Variants in INPP4B observed in about 807,000 individuals in gnomAD.
INPP4B encodes the protein inositol polyphosphate 4-phosphatase type II.
Under a neutral mutation model 122.5 loss-of-function variants are expected in INPP4B, and 55 were observed. The observed-to-expected ratio is 0.45, with a 90% CI of 0.36 to 0.56. The LOEUF is 0.56. Among genes scored for constraint, INPP4B ranks in the 20% least tolerant of loss-of-function variants. The probability of loss-of-function intolerance (pLI) is 0.00; values close to 1 mark genes in which losing one functional copy is unlikely to be tolerated. For synonymous variants in INPP4B, 403 were observed against 388.7 expected, an observed-to-expected ratio of 1.04 and a Z score of -0.43; for missense variants, 1,000 against 1,097.7, an observed-to-expected ratio of 0.91 and a Z score of 1.26.
In INPP4B at chr4:142,366,155, C is replaced by A. The variant is rs1986107; in HGVS notation, c.372+36783G>T. 2.0e-5 allele frequency among the ~76,000 whole-genome samples: 3 copies of A among 152,160 alleles called. No homozygotes were observed. In the East Asian group the frequency reaches 5.8e-4, roughly 29 times the overall value. On this transcript the variant is annotated intron_variant, in intron 7 of 25. Coordinates refer to ENST00000262992, the MANE Select transcript of INPP4B (RefSeq NM_001101669.3). ...ACCATTAAGAAGGTTCTTTGTAATT[C>A]TCCCCACACTTCAGAATGTACTTTG... is the stretch of plus-strand genomic sequence containing the variant.
chr4:142,280,467 T>C (rs1239577114), intron 9 of INPP4B, among the ~76,000 whole-genome samples: 1 of 151,990 alleles, frequency 6.6e-6, no homozygotes, highest in Non-Finnish European at 1.5e-5. Context: ...ATTCAATTTA[T>C]TCAATTTCAT....
chr4:142,664,892 CAT>C (rs1354069991), intron 2 of INPP4B, among the ~76,000 whole-genome samples: 1 of 152,140 alleles, frequency 6.6e-6, no homozygotes, highest in Non-Finnish European at 1.5e-5. Context: ...GTGCCAACAT[CAT>C]AGAGTGTATT....
At chr4:142,589,893 A>G (rs973966093) in intron 2 of INPP4B, among the ~76,000 whole-genome samples, 2 of 152,024 alleles carry the variant, frequency 1.3e-5, no homozygotes, top group Non-Finnish European at 2.9e-5. Context: ...TGATAGAAAA[A>G]CAGAAAAACA....
At chr4:142,281,637 G>A (rs141009895) in intron 9 of INPP4B, among the ~76,000 whole-genome samples, 177 of 152,048 alleles carry the variant, frequency 1.2e-3, no homozygotes, top group Admixed American at 2.6e-3. Context: ...AAAGGTCAAC[G>A]TTATACAGTG....
chr4:142,277,252 A>G (rs1471065755), intron 9 of INPP4B, among the ~76,000 whole-genome samples: 4 of 151,088 alleles, frequency 2.6e-5, no homozygotes, highest in African/African-American at 9.7e-5. Context: ...TCGGACATAT[A>G]CATTACAAAG....
chr4:142,755,976 A>G (rs75690830), intron 1 of INPP4B, among the ~76,000 whole-genome samples: 3,752 of 152,132 alleles, frequency 0.025, 57 homozygotes, highest in Middle Eastern at 0.095. Flanking sequence ...TTTACTAGGT[A>G]TCAAATACTC....
At chr4:142,136,227 T>G (rs1175566947) in intron 18 of INPP4B, among the ~76,000 whole-genome samples, 1 of 151,314 alleles carries the variant, frequency 6.6e-6, no homozygotes, top group Non-Finnish European at 1.5e-5. Context: ...TAGGTGGGGG[T>G]GGGAAGTGAT....
chr4:142,471,878 C>G (rs1199936610), intron 2 of INPP4B, among the ~76,000 whole-genome samples: 1 of 152,022 alleles, frequency 6.6e-6, no homozygotes, highest in African/African-American at 2.4e-5. Context: ...TATACACACA[C>G]ACACACACAC....
At chr4:142,678,267 T>G (rs1256731700) in intron 2 of INPP4B, among the ~76,000 whole-genome samples, 1 of 151,952 alleles carries the variant, frequency 6.6e-6, no homozygotes, top group Non-Finnish European at 1.5e-5. Flanking sequence ...CCTCTAGTCC[T>G]GTAACAAGCC....
intron 17 of INPP4B, among the ~76,000 whole-genome samples, chr4:142,148,233 G>A (rs1213260993): frequency 6.6e-6 from 1 of 152,070 alleles, no homozygotes; most frequent in Non-Finnish European, 1.5e-5. Context: ...AGGAACTTGT[G>A]TGTGTGTTTG....
intron 21 of INPP4B, among the ~76,000 whole-genome samples, chr4:142,114,885 C>T (rs537392441): frequency 2.2e-4 from 34 of 152,038 alleles, no homozygotes; most frequent in Middle Eastern, 3.4e-3. Context: ...AAGGTTCAAA[C>T]CCATCACAAA....
intron 2 of INPP4B, among the ~76,000 whole-genome samples, chr4:142,559,528 A>T (rs1448953502): frequency 2.0e-5 from 3 of 152,200 alleles, no homozygotes; most frequent in Non-Finnish European, 4.4e-5. Flanking sequence ...AGCATCAAAT[A>T]GCAAGGATGT....
rs140892380 is a variant in INPP4B, at chr4:142,126,521, G to A, written c.1721-1761C>T. ...GTAATACTCTATGAAATGCCTATGT[G>A]ATGTCATAATGTAAAATACATTAGA... On this transcript the variant is annotated intron_variant, in intron 18 of 25. Coordinates refer to ENST00000262992, the MANE Select transcript of INPP4B (RefSeq NM_001101669.3). 4.2e-3 allele frequency among the ~76,000 whole-genome samples: 644 copies of A among 152,166 alleles called. 3 individuals carry two copies. The highest frequency in any genetic ancestry group is 7.2e-3 in the Non-Finnish European group (489 of 67,968).
chr4:142,074,105 T>A (rs2152496993), intron 25 of INPP4B, among the ~76,000 whole-genome samples: 1 of 152,118 alleles, frequency 6.6e-6, no homozygotes, highest in Non-Finnish European at 1.5e-5. Flanking sequence ...TGTGCTTTCA[T>A]TTAAAAAATA....
chr4:142,309,045 A>C (rs1351165803), intron 8 of INPP4B, among the ~76,000 whole-genome samples: 1 of 152,166 alleles, frequency 6.6e-6, no homozygotes, highest in Non-Finnish European at 1.5e-5. Flanking sequence ...TGCTGAAAAA[A>C]ATGCCTATGA....
At chr4:142,618,308 T>C (rs979730459) in intron 2 of INPP4B, among the ~76,000 whole-genome samples, 1 of 151,926 alleles carries the variant, frequency 6.6e-6, no homozygotes, top group Admixed American at 6.6e-5. Flanking sequence ...GCAGGAGAAA[T>C]CACGCTTCCT....
chr4:142,070,511 A>G (rs1766576654), intron 25 of INPP4B, among the ~76,000 whole-genome samples: 1 of 152,206 alleles, frequency 6.6e-6, no homozygotes, highest in Non-Finnish European at 1.5e-5. Context: ...AGAAGGAAAT[A>G]AATGGTATTC....
chr4:142,205,892 T>G (rs1389960485), intron 14 of INPP4B, among the ~76,000 whole-genome samples: 3 of 152,148 alleles, frequency 2.0e-5, no homozygotes, highest in Non-Finnish European at 4.4e-5. Flanking sequence ...TACTGTTCTA[T>G]TCAAGCTATT....
chr4:142,783,233 T>TA (rs1580905195), intron 1 of INPP4B, among the ~76,000 whole-genome samples: 1 of 152,068 alleles, frequency 6.6e-6, no homozygotes, highest in East Asian at 1.9e-4. Flanking sequence ...AGGCAACCTA[T>TA]AAAATGGGAG....
Sources: gnomAD v4.1 joint callset for allele counts (sites outside exome capture counted in the v4.1 genomes callset) on GRCh38, gnomAD v4.1.1 for gene constraint, MANE v1.5 for transcripts, NCBI Gene and HGNC (gene_info 2026-07-23, HGNC 2026-07-21) for gene names.